Variants in EIF3A observed in about 807,000 individuals in gnomAD.
The protein encoded by EIF3A is eukaryotic translation initiation factor 3 subunit A, also known as EIF3, p180 subunit.
A neutral mutation model predicts 186.6 loss-of-function variants in EIF3A; 21 were observed. The ratio of observed to expected loss-of-function variants is 0.11; its 90% confidence interval spans 0.08 to 0.16. The LOEUF (loss-of-function observed/expected upper bound fraction) is 0.16. Ranked by LOEUF, EIF3A falls within the 10% of genes least tolerant of loss-of-function variation. The pLI, the probability that EIF3A is intolerant of heterozygous loss-of-function variation, is 1.00. For synonymous variants in EIF3A, 563 were observed against 584.3 expected, an observed-to-expected ratio of 0.96 and a Z score of 0.52; for missense variants, 1,306 against 1,796.3, an observed-to-expected ratio of 0.73 and a Z score of 4.93.
chr10:119,076,418 T>C (rs911278349), intron 1 of EIF3A, among the ~76,000 whole-genome samples: 3 of 151,806 alleles, frequency 2.0e-5, no homozygotes, highest in Non-Finnish European at 2.9e-5. Flanking sequence ...ATTTTTCACA[T>C]GCAAATAATG....
rs1848113508 is a variant in EIF3A, at chr10:119,035,346, A to G, written c.*693T>C. On this transcript the variant is annotated 3_prime_UTR_variant, in exon 22 of 22. Transcript: ENST00000369144. ...AGTTTGCTATTGGCAACAGAAAAAA[A>G]CTCAGCGATAATTTACCAAATGCTT... 1 of 152,492 alleles carries G rather than the reference A, an allele frequency of 6.6e-6. No individual in the cohort carries two copies. Among genetic ancestry groups the G allele is most frequent in the Non-Finnish European group, 1.5e-5 (1 of 68,010 alleles). The allele number at this position is 152,492 out of a possible 1,614,324, so 9.4% of individuals were successfully genotyped here. A position where few individuals can be genotyped will look rare whatever the true frequency, so the allele number is the denominator to read the frequency against.
chr10:119,063,729 A>G (rs572565642), intron 7 of EIF3A, among the ~76,000 whole-genome samples: 6 of 152,342 alleles, frequency 3.9e-5, no homozygotes, highest in South Asian at 4.1e-4. Flanking sequence ...TGCTAGGCAC[A>G]TAACAGGCAC....
chr10:119,056,876 T>C (rs1843792564), intron 13 of EIF3A, 23 bp from the exon 14 acceptor site: 1 of 1,594,516 alleles, frequency 6.3e-7, no homozygotes, highest in Non-Finnish European at 8.6e-7. Context: ...AAAACACACG[T>C]AGTTTTAAAA....
intron 14 of EIF3A, 43 bp from the exon 15 acceptor site, chr10:119,051,364 T>C: frequency 6.5e-7 from 1 of 1,531,386 alleles, no homozygotes. Context: ...ACTTTTTTTT[T>C]TACTCATTAA....
chr10:119,040,589 T>C (rs1848194110), intron 19 of EIF3A, among the ~76,000 whole-genome samples: 1 of 152,170 alleles, frequency 6.6e-6, no homozygotes, highest in African/African-American at 2.4e-5. Context: ...TAGAGAAAAC[T>C]GGCCGGGGCA....
At chr10:119,066,169 C>T (rs181314768) in intron 6 of EIF3A, among the ~76,000 whole-genome samples, 3 of 151,536 alleles carry the variant, frequency 2.0e-5, no homozygotes, top group Admixed American at 2.0e-4. Context: ...AGAAAACACA[C>T]ATTCATATAC....
chr10:119,074,083 T>G, intron 1 of EIF3A, 146 bp from the exon 2 acceptor site: 1 of 651,338 alleles, frequency 1.5e-6, no homozygotes, highest in Non-Finnish European at 2.4e-6. Context: ...AGCTATGCCA[T>G]AATTATCAAA....
At position 119,065,410 on chromosome 10, in the gene EIF3A, T is replaced by C. The variant is rs374269813; in HGVS notation, c.1111A>G (p.Ile371Val). ...LQAPPTRIGL[I>V]NDMVRFNVLQ... ...AAATTAATACTAACCATATCATTAA[T>C]AAGGCCAATTCGTGTCGGTGGGGCT... The change falls in exon 7 of 22, where the codon ATT becomes GTT. Residue 371 changes from isoleucine to valine, a missense_variant. By Grantham distance (29) the Ile-to-Val change is conservative. Transcript: ENST00000369144. 6.2e-6 allele frequency: 10 copies of C among 1,610,864 alleles called. No individual in the cohort carries two copies. In the East Asian group the frequency reaches 6.7e-5, roughly 11 times the overall value.
At chr10:119,060,656 C>T in intron 9 of EIF3A, 90 bp downstream of exon 9, 1 of 879,806 alleles carries the variant, frequency 1.1e-6, no homozygotes, top group East Asian at 2.8e-5. Flanking sequence ...GGGAGGTTCT[C>T]ACTTCCTAGG....
intron 7 of EIF3A, among the ~76,000 whole-genome samples, chr10:119,062,519 C>G (rs1466544146): frequency 6.6e-6 from 1 of 152,154 alleles, no homozygotes; most frequent in Non-Finnish European, 1.5e-5. Context: ...AATCCATTCA[C>G]TTGACACTAA....
chr10:119,061,205 C>T lies in EIF3A; in HGVS notation c.1227+19G>A, dbSNP rs757411677. On this transcript the variant is annotated intron_variant, in intron 8 of 21. Coordinates refer to ENST00000369144, the MANE Select transcript of EIF3A (RefSeq NM_003750.4). ...GCCAACTCTGTGGTAACAACCAGAA[C>T]TTAAATACAAAGGCTTACCTTTGTG... 8 of 1,415,474 alleles carry T rather than the reference C, an allele frequency of 5.7e-6. No homozygotes were observed. The highest frequency in any genetic ancestry group is 7.8e-6 in the Non-Finnish European group (8 of 1,019,790). 87.7% of individuals were successfully genotyped at this position (1,415,474 alleles called of 1,614,324 possible).
intron 7 of EIF3A, among the ~76,000 whole-genome samples, chr10:119,064,778 G>C (rs1843945155): frequency 6.6e-6 from 1 of 152,198 alleles, no homozygotes; most frequent in Non-Finnish European, 1.5e-5. Context: ...CACGATCTCA[G>C]CTCACTGCAA....
chr10:119,044,303 A>C (rs1848254262), intron 17 of EIF3A, among the ~76,000 whole-genome samples, 161 bp from the exon 18 acceptor site: 2 of 152,310 alleles, frequency 1.3e-5, no homozygotes, highest in South Asian at 4.1e-4. Context: ...GATCAGACTG[A>C]CGCTACAGGG....
intron 10 of EIF3A, 87 bp downstream of exon 10, chr10:119,059,515 T>A: frequency 7.7e-7 from 1 of 1,306,038 alleles, no homozygotes; most frequent in Non-Finnish European, 1.1e-6. Flanking sequence ...TAAAATGGTA[T>A]CACTGTACCA....
intron 7 of EIF3A, among the ~76,000 whole-genome samples, chr10:119,061,578 A>T (rs554396707): frequency 6.6e-6 from 1 of 152,248 alleles, no homozygotes; most frequent in African/African-American, 2.4e-5. Context: ...ACTCTAAAAA[A>T]CACAACTACA....
Position 119,060,729 on chromosome 10 carries a change from T to C in EIF3A, c.1326+17A>G. On this transcript the variant is annotated intron_variant, in intron 9 of 21. Transcript: ENST00000369144. ...GCACATAACATCACAAAACTTTTTTTATTTTTTTATTTTTACCTGCTGCAG... is the reference window on the plus strand; with the variant it reads ...GCACATAACATCACAAAACTTTTTTCATTTTTTTATTTTTACCTGCTGCAG... The C allele has an allele frequency of 6.3e-7, 1 of 1,577,766 alleles. No individual in the cohort carries two copies. Among genetic ancestry groups the C allele is most frequent in the Non-Finnish European group, 8.6e-7 (1 of 1,165,480 alleles).
At chr10:119,068,875 A>G (rs1362191225) in intron 6 of EIF3A, among the ~76,000 whole-genome samples, 1 of 147,496 alleles carries the variant, frequency 6.8e-6, no homozygotes, top group Non-Finnish European at 1.5e-5. Context: ...CCAGAGACTG[A>G]GCCAGGAGAA....
chr10:119,057,817 C>A, intron 12 of EIF3A, 139 bp downstream of exon 12: 2 of 677,282 alleles, frequency 3.0e-6, no homozygotes, highest in Non-Finnish European at 5.1e-6. Context: ...CATATGCTTA[C>A]TCACAGATTT....
At chr10:119,074,802 G>A (rs1476521195) in intron 1 of EIF3A, among the ~76,000 whole-genome samples, 1 of 149,918 alleles carries the variant, frequency 6.7e-6, no homozygotes, top group Non-Finnish European at 1.5e-5. Context: ...GCGTAGTGGT[G>A]CATGCCTGCG....
Sources: gnomAD v4.1 joint callset for allele counts (sites outside exome capture counted in the v4.1 genomes callset) on GRCh38, gnomAD v4.1.1 for gene constraint, MANE v1.5 for transcripts, NCBI Gene and HGNC (gene_info 2026-07-23, HGNC 2026-07-21) for gene names.